The following TRAPPC10 variants were observed in gnomAD, a reference collection of about 807,000 sequenced individuals.
TRAPPC10 encodes the protein trafficking protein particle complex subunit 10.
A neutral mutation model predicts 125.5 loss-of-function variants in TRAPPC10; 23 were observed. The observed-to-expected ratio is 0.18, with a 90% CI of 0.13 to 0.26. TRAPPC10 has a LOEUF of 0.26. Among genes scored for constraint, TRAPPC10 ranks in the 10% least tolerant of loss-of-function variants. The pLI, the probability that TRAPPC10 is intolerant of heterozygous loss-of-function variation, is 1.00. For missense variants in TRAPPC10, 1,123 were observed against 1,308.4 expected (o/e 0.86, Z 2.19); for synonymous variants, 509 against 518.0 (o/e 0.98, Z 0.24).
At chr21:44,025,824 GTGTGT>G (rs1569144107) in intron 1 of TRAPPC10, among the ~76,000 whole-genome samples, 13 of 1,532 alleles carry the variant, frequency 8.5e-3, no homozygotes, top group African/African-American at 0.018. Flanking sequence ...GGGCAGGGGT[GTGTGT>G]GTGTGTGTGT....
chr21:44,027,363 C>T (rs1013822950), intron 1 of TRAPPC10, among the ~76,000 whole-genome samples: 2 of 152,136 alleles, frequency 1.3e-5, no homozygotes, highest in East Asian at 1.9e-4. Context: ...CGGCTTTGCA[C>T]GTTCAAGAAT....
rs949900427 is a variant in TRAPPC10, at chr21:44,018,414, A to G, written c.67+5854A>G. On this transcript the variant is annotated intron_variant, in intron 1 of 22. Transcript: ENST00000291574. ...GCAAGACCTGGTCTCAGAAAAAAAA[A>G]TAAAGGCTGGGCGCAGTGACTCATG... is the stretch of plus-strand genomic sequence containing the variant. Among the ~76,000 whole-genome samples, 10 of 152,080 alleles carry G rather than the reference A, an allele frequency of 6.6e-5. 1 individual carries two copies. In the South Asian group the frequency reaches 2.1e-3, roughly 32 times the overall value.
intron 3 of TRAPPC10, among the ~76,000 whole-genome samples, chr21:44,039,511 A>G (rs934740794): frequency 6.6e-6 from 1 of 152,180 alleles, no homozygotes; most frequent in Non-Finnish European, 1.5e-5. Context: ...GCTTGCTGCC[A>G]TGGTGGCGTT....
rs924560680 is a variant in TRAPPC10, at chr21:44,087,491, G to A, written c.2540-208G>A. On this transcript the variant is annotated intron_variant, in intron 16 of 22. Transcript: ENST00000291574. This position sits in a 1 kb window ranked among gnomAD's most constrained non-coding sequence, Gnocchi z 4.6. The stretch of plus-strand genomic sequence containing the variant: ...TGCCCTTTTCCTCTCTTCAGATTGA[G>A]ATCAATGATGGGTCTGGGCGCCTGC... Among the ~76,000 whole-genome samples the A allele has an allele frequency of 1.3e-5, 2 of 152,212 alleles. No homozygotes were observed. Among genetic ancestry groups the A allele is most frequent in the Admixed American group, 1.3e-4 (2 of 15,290 alleles).
chr21:44,083,397 A>G (rs2037898994), intron 14 of TRAPPC10, 95 bp downstream of exon 14: 4 of 1,390,760 alleles, frequency 2.9e-6, no homozygotes, highest in Non-Finnish European at 3.9e-6. Context: ...AATTGAGTAG[A>G]GTCCTTTGTT....
chr21:44,095,279 C>T (rs980939910), intron 20 of TRAPPC10, among the ~76,000 whole-genome samples: 2 of 151,516 alleles, frequency 1.3e-5, no homozygotes, highest in African/African-American at 4.8e-5. Context: ...GAGTTTCACA[C>T]TTGTTGCCCA....
intron 2 of TRAPPC10, among the ~76,000 whole-genome samples, chr21:44,037,196 A>G (rs1276527832): frequency 6.6e-6 from 1 of 152,216 alleles, no homozygotes; most frequent in African/African-American, 2.4e-5. Context: ...AAGCATCGTT[A>G]GGCCGTCACT....
At chr21:44,041,554 T>C (rs1230770071) in intron 3 of TRAPPC10, among the ~76,000 whole-genome samples, 1 of 151,974 alleles carries the variant, frequency 6.6e-6, no homozygotes, top group Non-Finnish European at 1.5e-5. Context: ...TTTTGTAGTT[T>C]GGAGACGGGG....
chr21:44,087,841 G>T lies in TRAPPC10; in HGVS notation c.2682G>T (p.Glu894Asp), dbSNP rs745885299. ...SLPSAPALGG[E>D]SDMLGMAEPH... ...CTTCAGCCCCAGCACTCGGAGGGGA[G>T]AGTGACATGCTGGGGATGGCAGAGC... Residue 894 changes from glutamate to aspartate, a missense_variant, in exon 17 of 23, where the codon GAG (glutamate) becomes GAT (aspartate). Physicochemically the swap from Glu to Asp is conservative, Grantham distance 45. Transcript: ENST00000291574. This position sits in a 1 kb window ranked among gnomAD's most constrained non-coding sequence, Gnocchi z 4.6. 7 of 1,614,108 alleles carry T rather than the reference G, an allele frequency of 4.3e-6. No individual in the cohort carries two copies. Among genetic ancestry groups the T allele is most frequent in the Non-Finnish European group, 5.9e-6 (7 of 1,180,052 alleles).
In TRAPPC10 at chr21:44,016,021, A is replaced by G. The variant is rs139104085; in HGVS notation, c.67+3461A>G. ...CCTTCTTAAACTCAGAACTAGTTAC[A>G]GCTTGTAAATACTGAAGAGTGTATG... On this transcript the variant is annotated intron_variant, in intron 1 of 22. Transcript: ENST00000291574. 1.8e-3 allele frequency among the ~76,000 whole-genome samples: 277 copies of G among 152,346 alleles called. 1 individual carries two copies. Among genetic ancestry groups the G allele is most frequent in the Middle Eastern group, 6.8e-3 (2 of 294 alleles).
At chr21:44,015,130 C>G (rs897494695) in intron 1 of TRAPPC10, among the ~76,000 whole-genome samples, 3 of 152,098 alleles carry the variant, frequency 2.0e-5, no homozygotes, top group Non-Finnish European at 4.4e-5. Flanking sequence ...TTTCAAAAAT[C>G]TTTTAAATTC....
intron 15 of TRAPPC10, among the ~76,000 whole-genome samples, chr21:44,085,476 G>T (rs2038061342): frequency 6.6e-6 from 1 of 152,172 alleles, no homozygotes; most frequent in Non-Finnish European, 1.5e-5. Flanking sequence ...TTTGAGACCA[G>T]CATGGGTAAG....
At chr21:44,026,747 T>G (rs564891679) in intron 1 of TRAPPC10, among the ~76,000 whole-genome samples, 1 of 152,360 alleles carries the variant, frequency 6.6e-6, no homozygotes, top group African/African-American at 2.4e-5. Flanking sequence ...GTTCATCTCT[T>G]GTCTAGTCCA....
intron 19 of TRAPPC10, 95 bp from the exon 20 acceptor site, chr21:44,093,968 A>G: frequency 7.3e-7 from 1 of 1,360,846 alleles, no homozygotes; most frequent in East Asian, 2.3e-5. Context: ...GTGTCTGCTC[A>G]GCACCCTTCG....
In TRAPPC10 at chr21:44,070,814, A is replaced by G. The variant is rs1313817366; in HGVS notation, c.1039-3510A>G. ...CCCCGAGCTCTTGCGTCTCTGCTGC[A>G]GGGATGCTGGTGGGAGAAGAGTGCT... is the stretch of plus-strand genomic sequence containing the variant. On this transcript the variant is annotated intron_variant, in intron 7 of 22. Transcript: ENST00000291574. Among the ~76,000 whole-genome samples, 10 of 152,330 alleles carry G rather than the reference A, an allele frequency of 6.6e-5. No individual in the cohort carries two copies. The East Asian group carries it at 1.9e-3, about 29-fold the overall frequency.
chr21:44,056,122 A>G (rs1341153397), intron 5 of TRAPPC10, among the ~76,000 whole-genome samples: 1 of 152,146 alleles, frequency 6.6e-6, no homozygotes, highest in Non-Finnish European at 1.5e-5. Flanking sequence ...CTGGGGGCAA[A>G]AGCTGGAGCA....
chr21:44,072,061 A>G (rs1437313527), intron 7 of TRAPPC10, among the ~76,000 whole-genome samples: 1 of 152,230 alleles, frequency 6.6e-6, no homozygotes, highest in East Asian at 1.9e-4. Flanking sequence ...CCGCTACCTG[A>G]TGCTGCTACT....
intron 1 of TRAPPC10, among the ~76,000 whole-genome samples, chr21:44,028,817 C>T (rs995419076): frequency 1.3e-5 from 2 of 152,146 alleles, no homozygotes; most frequent in African/African-American, 4.8e-5. Context: ...CAGTCTCAAG[C>T]CCCGTTTTGG....
Position 44,082,771 on chromosome 21 carries a change from A to G in TRAPPC10, c.1724-17A>G. The G allele has an allele frequency of 6.2e-7, 1 of 1,610,884 alleles. No homozygotes were observed. Among genetic ancestry groups the G allele is most frequent in the African/African-American group, 1.3e-5 (1 of 74,918 alleles). On this transcript the variant is annotated splice_polypyrimidine_tract_variant and intron_variant, in intron 13 of 22. Coordinates refer to ENST00000291574, the MANE Select transcript of TRAPPC10 (RefSeq NM_003274.5). The surrounding 1 kb of genome is among the most constrained non-coding windows in gnomAD (Gnocchi z 4.4). ...AGTGTGACTTGGGGAGTCACTTACG[A>G]TAATGTCTATTTACAGGTCATAAGA...
Sources: gnomAD v4.1 joint callset for allele counts (sites outside exome capture counted in the v4.1 genomes callset) on GRCh38, gnomAD v4.1.1 for gene constraint, Gnocchi (gnomAD v3.1) non-coding constraint, MANE v1.5 for transcripts, NCBI Gene and HGNC (gene_info 2026-07-23, HGNC 2026-07-21) for gene names.